CLVS1: variants seen among roughly 807,000 people sequenced by gnomAD.
CLVS1 encodes clavesin 1.
CLVS1 carries 10 observed loss-of-function variants against 33.1 expected under a neutral mutation model. That is an observed-to-expected ratio of 0.30 (90% CI 0.19 to 0.51). CLVS1 has a LOEUF of 0.51. Ranked by LOEUF, CLVS1 falls within the 20% of genes least tolerant of loss-of-function variation. CLVS1 has a pLI of 0.97. For missense variants in CLVS1, 343 were observed against 433.4 expected, an observed-to-expected ratio of 0.79 and a Z score of 1.85; for synonymous variants, 163 against 166.1, an observed-to-expected ratio of 0.98 and a Z score of 0.14.
intron 5 of CLVS1, among the ~76,000 whole-genome samples, chr8:61,474,598 A>G (rs1817846255): frequency 6.6e-6 from 1 of 152,178 alleles, no homozygotes; most frequent in Non-Finnish European, 1.5e-5. Flanking sequence ...AAGAGGGAGA[A>G]TTGGAAGGTG....
At chr8:61,358,519 G>A (rs889881801) in intron 2 of CLVS1, among the ~76,000 whole-genome samples, 8 of 152,154 alleles carry the variant, frequency 5.3e-5, no homozygotes, top group Admixed American at 5.2e-4. Context: ...CAGAATTCCA[G>A]GCATAGCATC....
At chr8:61,025,007 C>A in the CLVS1 span, among the ~76,000 whole-genome samples, 1 of 151,974 alleles carries the variant, frequency 6.6e-6, no homozygotes, top group Non-Finnish European at 1.5e-5. Context: ...GCCACCACGC[C>A]CGGCTAATTT....
chr8:61,269,587 A>C (rs1238279655), intron 2 of CLVS1, among the ~76,000 whole-genome samples: 3 of 151,078 alleles, frequency 2.0e-5, no homozygotes, highest in African/African-American at 7.3e-5. Context: ...GATGGCATTG[A>C]ATCTGTAAAT....
chr8:61,359,508 A>G (rs542434826), intron 2 of CLVS1, among the ~76,000 whole-genome samples: 1 of 152,264 alleles, frequency 6.6e-6, no homozygotes, highest in African/African-American at 2.4e-5. Flanking sequence ...GGCAAGTGCC[A>G]TCATGCCCGG....
At position 61,299,961 on chromosome 8, in the gene CLVS1, AC is replaced by A; in HGVS notation, c.138del (p.Asp47MetfsTer13). On this transcript the variant is annotated frameshift_variant, in exon 2 of 6. Transcript: ENST00000325897. LOFTEE classifies it high-confidence loss of function. ...IEKARLELNE[N>X]PDVLHQDIQQ... is the part of the protein sequence containing the mutation. Reference sequence around the variant, plus strand: ...AAAGCTCGCCTGGAACTGAATGAAAACCCCGATGTTTTACATCAGGATATTC... The same window carrying A: ...AAAGCTCGCCTGGAACTGAATGAAAACCCGATGTTTTACATCAGGATATTC... 1 of 1,613,624 alleles carries A rather than the reference AC, an allele frequency of 6.2e-7. No individual in the cohort carries two copies. Among genetic ancestry groups the A allele is most frequent in the Non-Finnish European group, 8.5e-7 (1 of 1,179,872 alleles).
the CLVS1 span, among the ~76,000 whole-genome samples, chr8:61,037,454 G>A: frequency 6.6e-6 from 1 of 152,166 alleles, no homozygotes; most frequent in Non-Finnish European, 1.5e-5. Context: ...TGCAGGAAGT[G>A]ACTGGATTTC....
chr8:61,076,747 A>G (rs1804918521), intron 1 of CLVS1, among the ~76,000 whole-genome samples: 2 of 152,224 alleles, frequency 1.3e-5, no homozygotes, highest in South Asian at 4.1e-4. Flanking sequence ...GCTATTTGTC[A>G]GGAGAACGAG....
chr8:61,480,311 G>A (rs958093734), intron 5 of CLVS1, among the ~76,000 whole-genome samples: 25 of 152,248 alleles, frequency 1.6e-4, no homozygotes, highest in South Asian at 1.5e-3. Context: ...CCTCGCTGCC[G>A]CCTTGCAGTT....
chr8:61,409,299 T>A (rs1815124931), intron 3 of CLVS1, among the ~76,000 whole-genome samples: 1 of 152,238 alleles, frequency 6.6e-6, no homozygotes, highest in Non-Finnish European at 1.5e-5. Context: ...TCTTTGTCTT[T>A]GTTTATTTGT....
At chr8:60,990,751 C>T in the CLVS1 span, among the ~76,000 whole-genome samples, 1 of 151,496 alleles carries the variant, frequency 6.6e-6, no homozygotes, top group Non-Finnish European at 1.5e-5. Context: ...TTCTATCACC[C>T]AGACTGGAGT....
At chr8:61,246,409 A>T (rs1808811537) in intron 2 of CLVS1, among the ~76,000 whole-genome samples, 1 of 151,342 alleles carries the variant, frequency 6.6e-6, no homozygotes, top group African/African-American at 2.4e-5. Context: ...ACCTCAAGTG[A>T]TACACCTGCC....
At chr8:61,164,810 C>CA (rs1446260913) in intron 2 of CLVS1, among the ~76,000 whole-genome samples, 5 of 152,182 alleles carry the variant, frequency 3.3e-5, no homozygotes, top group African/African-American at 1.2e-4. Context: ...AAACTTTTCG[C>CA]ACTTTAAAAC....
At chr8:61,089,887 T>A (rs28650973) in intron 1 of CLVS1, among the ~76,000 whole-genome samples, 10 of 152,062 alleles carry the variant, frequency 6.6e-5, no homozygotes, top group Non-Finnish European at 2.9e-5. Flanking sequence ...GCCACTGCAC[T>A]CAAGCCTGGG....
At chr8:61,468,550 T>C (rs1234465912) in intron 5 of CLVS1, among the ~76,000 whole-genome samples, 1 of 152,008 alleles carries the variant, frequency 6.6e-6, no homozygotes, top group Non-Finnish European at 1.5e-5. Flanking sequence ...CTCCAGTGAT[T>C]GAAATGGAAA....
intron 3 of CLVS1, among the ~76,000 whole-genome samples, chr8:61,419,118 G>T (rs183177163): frequency 1.8e-4 from 28 of 152,278 alleles, no homozygotes; most frequent in Admixed American, 6.5e-4. Context: ...TCATTTATTG[G>T]CTGGGCGTGG....
chr8:61,357,494 C>CTTTTTTCTTTTTTTTTTTTTTTT (rs1812776886), intron 2 of CLVS1, among the ~76,000 whole-genome samples: 1 of 25,804 alleles, frequency 3.9e-5, no homozygotes, highest in African/African-American at 9.9e-5. Flanking sequence ...TTTTTCTTTT[C>CTTTTTTCTTTTTTTTTTTTTTTT]TTTTTTTTTT....
chr8:61,381,584 C>T (rs1339167935), intron 3 of CLVS1, among the ~76,000 whole-genome samples: 3 of 152,130 alleles, frequency 2.0e-5, no homozygotes, highest in Non-Finnish European at 4.4e-5. Context: ...TCCTCGCCCT[C>T]CTTCTACCCT....
At position 61,232,022 on chromosome 8, in the gene CLVS1, GGTTTTTTTTTT is replaced by G. The variant is rs1261127955; in HGVS notation, c.-151-67654_-151-67644del. On this transcript the variant is annotated intron_variant, in intron 2 of 2. Coordinates refer to the CLVS1 transcript ENST00000522621. ...GAGAAGGAGCCCTGAGGAAAGTTGT[GGTTTTTTTTTT>G]TTTTTTTTTTTTTTTTTGTGAGATG... Among the ~76,000 whole-genome samples, 43 of 117,072 alleles carry G rather than the reference GGTTTTTTTTTT, an allele frequency of 3.7e-4. 2 individuals are homozygous for G. Among genetic ancestry groups the G allele is most frequent in the Admixed American group, 1.6e-3 (19 of 11,874 alleles). 76.8% of individuals were successfully genotyped at this position (117,072 alleles called of 152,430 possible).
intron 1 of CLVS1, among the ~76,000 whole-genome samples, chr8:61,096,909 C>T (rs1167030824): frequency 6.6e-6 from 1 of 152,152 alleles, no homozygotes; most frequent in Non-Finnish European, 1.5e-5. Context: ...GTTGTCCTCT[C>T]CACTAGCATC....
Sources: allele counts gnomAD v4.1 joint callset (sites outside exome capture counted in the v4.1 genomes callset), GRCh38; gene constraint gnomAD v4.1.1; transcripts MANE v1.5; gene names NCBI Gene and HGNC (gene_info 2026-07-23, HGNC 2026-07-21).